CACNB2: variants seen among roughly 807,000 people sequenced by gnomAD.
CACNB2 encodes the protein calcium voltage-gated channel auxiliary subunit beta 2.
Under a neutral mutation model 73.3 loss-of-function variants are expected in CACNB2, and 42 were observed. That is an observed-to-expected ratio of 0.57 (90% confidence interval 0.45 to 0.74). The LOEUF is 0.74. Ranked by LOEUF, CACNB2 falls within the 30% of genes least tolerant of loss-of-function variation. CACNB2 has a pLI of 0.00. For synonymous variants in CACNB2, 348 were observed against 310.3 expected, an observed-to-expected ratio of 1.12 and a Z score of -1.28; for missense variants, 940 against 853.0, an observed-to-expected ratio of 1.10 and a Z score of -1.27.
intron 2 of CACNB2, among the ~76,000 whole-genome samples, chr10:18,368,571 G>T (rs1173571668): frequency 6.6e-6 from 1 of 152,148 alleles, no homozygotes; most frequent in Non-Finnish European, 1.5e-5. Context: ...AGTATTTTGA[G>T]GAATGGTGTT....
intron 3 of CACNB2, among the ~76,000 whole-genome samples, chr10:18,450,352 A>G (rs561853719): frequency 2.3e-4 from 35 of 152,272 alleles, no homozygotes; most frequent in African/African-American, 7.2e-4. Context: ...TCCTTGCTAA[A>G]TATCTTGTAT....
chr10:18,446,543 T>C (rs2046744468), intron 3 of CACNB2, among the ~76,000 whole-genome samples: 1 of 151,920 alleles, frequency 6.6e-6, no homozygotes, highest in African/African-American at 2.4e-5. Context: ...AGAGAGGAGA[T>C]GGGTGATAAA....
At chr10:18,406,188 T>C (rs1163573899) in intron 3 of CACNB2, among the ~76,000 whole-genome samples, 3 of 152,052 alleles carry the variant, frequency 2.0e-5, no homozygotes, top group African/African-American at 7.2e-5. Context: ...TGGGAGAAAG[T>C]TGTGGTCATA....
At chr10:18,254,691 G>C (rs142488922) in intron 2 of CACNB2, among the ~76,000 whole-genome samples, 13 of 152,342 alleles carry the variant, frequency 8.5e-5, no homozygotes, top group Non-Finnish European at 1.9e-4. Context: ...AAGAAGTGGA[G>C]TTCAGTGGAA....
intron 4 of CACNB2, among the ~76,000 whole-genome samples, chr10:18,499,613 C>CAAA (rs1336112573): frequency 0.011 from 233 of 21,330 alleles, 25 homozygotes; most frequent in Non-Finnish European, 0.014. Flanking sequence ...GATTCTGTCT[C>CAAA]AAAGAAAAAA....
At chr10:18,264,653 A>G (rs2037708259) in intron 2 of CACNB2, among the ~76,000 whole-genome samples, 1 of 152,204 alleles carries the variant, frequency 6.6e-6, no homozygotes. Flanking sequence ...GTTGCTCACC[A>G]TTGTATTCAT....
intron 2 of CACNB2, among the ~76,000 whole-genome samples, chr10:18,217,772 C>G (rs2035572806): frequency 6.6e-6 from 1 of 151,688 alleles, no homozygotes; most frequent in African/African-American, 2.4e-5. Flanking sequence ...TATACCAAGG[C>G]CAGTGTAGCT....
At chr10:18,482,035 G>A (rs577135857) in intron 3 of CACNB2, among the ~76,000 whole-genome samples, 39 of 152,046 alleles carry the variant, frequency 2.6e-4, no homozygotes, top group African/African-American at 7.5e-4. Context: ...GATTACAGGC[G>A]CCTGCCACCA....
chr10:18,332,475 A>G (rs2040843492), intron 2 of CACNB2, among the ~76,000 whole-genome samples: 1 of 152,214 alleles, frequency 6.6e-6, no homozygotes, highest in African/African-American at 2.4e-5. Context: ...GTTAAATGCA[A>G]CAATCTGGAA....
Position 18,205,086 on chromosome 10 carries a change from T to A in CACNB2, c.213+54111T>A, listed in dbSNP as rs552761168. On this transcript the variant is annotated intron_variant, in intron 2 of 13. Coordinates refer to ENST00000324631, the MANE Select transcript of CACNB2 (RefSeq NM_201596.3). ...AGTGTTTTTTGTTTTTGAGGGTTTTTAAAAAAAAATTCTTAAGATCTGTAT... is the reference window on the plus strand; with the variant it reads ...AGTGTTTTTTGTTTTTGAGGGTTTTAAAAAAAAAATTCTTAAGATCTGTAT... 5.2e-3 allele frequency among the ~76,000 whole-genome samples: 786 copies of A among 151,530 alleles called. 4 individuals are homozygous for A. The highest frequency in any genetic ancestry group is 8.6e-3 in the Non-Finnish European group (580 of 67,802).
chr10:18,495,951 T>C (rs2049786134), intron 3 of CACNB2, among the ~76,000 whole-genome samples: 1 of 151,924 alleles, frequency 6.6e-6, no homozygotes, highest in South Asian at 2.1e-4. Context: ...GCAGGATCCC[T>C]GGTATCACTA....
intron 2 of CACNB2, among the ~76,000 whole-genome samples, chr10:18,370,519 C>T (rs533329945): frequency 2.6e-5 from 4 of 152,160 alleles, no homozygotes; most frequent in African/African-American, 9.7e-5. Flanking sequence ...AGGCTGGTCT[C>T]GAACTCCTAG....
chr10:18,289,990 G>A (rs1008121763), intron 2 of CACNB2, among the ~76,000 whole-genome samples: 11 of 151,384 alleles, frequency 7.3e-5, no homozygotes, highest in African/African-American at 2.4e-4. Context: ...GATGCCATTT[G>A]ATTTCAGTGA....
chr10:18,465,131 A>G (rs1345679425), intron 3 of CACNB2, among the ~76,000 whole-genome samples: 1 of 152,212 alleles, frequency 6.6e-6, no homozygotes, highest in Admixed American at 6.5e-5. Flanking sequence ...GGAGTTCAAG[A>G]CCAGCCTGGC....
chr10:18,336,470 T>C (rs11013691), intron 2 of CACNB2, among the ~76,000 whole-genome samples: 29,972 of 152,054 alleles, frequency 0.2, 3,081 homozygotes, highest in Middle Eastern at 0.3. Context: ...AGTACAAAAA[T>C]TAGCCAGGTG....
chr10:18,443,503 T>G (rs879379831), intron 3 of CACNB2, among the ~76,000 whole-genome samples: 1 of 152,134 alleles, frequency 6.6e-6, no homozygotes, highest in Non-Finnish European at 1.5e-5. Context: ...CTGAGAGGCA[T>G]AAGGGGAAAG....
chr10:18,408,834 A>G (rs2044446039), intron 3 of CACNB2, among the ~76,000 whole-genome samples: 1 of 152,046 alleles, frequency 6.6e-6, no homozygotes, highest in African/African-American at 2.4e-5. Flanking sequence ...TTTTCTTACT[A>G]CTAGTTTTCT....
chr10:18,219,533 G>T (rs1434704716), intron 2 of CACNB2, among the ~76,000 whole-genome samples: 1 of 152,144 alleles, frequency 6.6e-6, no homozygotes, highest in Non-Finnish European at 1.5e-5. Context: ...GGGACAAGTT[G>T]TCCAGCACCA....
rs1564354204 is a variant in CACNB2 at position 18,220,264 on chromosome 10, GAGAGAGAGAGAA to G, written c.213+69299_213+69310del. ...AGAGAGAGAGAGAGAGAGAGAGAGA[GAGAGAGAGAGAA>G]AGAGAGAGAATCTTATTCTGTCACC... On this transcript the variant is annotated intron_variant, in intron 2 of 13. Transcript: ENST00000324631. Among the ~76,000 whole-genome samples, 9 of 124,412 alleles carry G rather than the reference GAGAGAGAGAGAA, an allele frequency of 7.2e-5. 2 individuals are homozygous for G. Among genetic ancestry groups the G allele is most frequent in the African/African-American group, 2.7e-4 (8 of 29,562 alleles). 81.6% of individuals were successfully genotyped at this position (124,412 alleles called of 152,430 possible). A position where few individuals can be genotyped will look rare whatever the true frequency, so the allele number is the denominator to read the frequency against.
Sources: allele counts gnomAD v4.1 joint callset (sites outside exome capture counted in the v4.1 genomes callset), GRCh38; gene constraint gnomAD v4.1.1; transcripts MANE v1.5; gene names NCBI Gene and HGNC (gene_info 2026-07-23, HGNC 2026-07-21).